Variants in DLG2 observed in about 807,000 individuals in gnomAD.
DLG2 encodes discs large MAGUK scaffold protein 2.
A neutral mutation model predicts 132.5 loss-of-function variants in DLG2; 45 were observed. The observed-to-expected ratio is 0.34, with a 90% CI of 0.27 to 0.44. DLG2 has a LOEUF of 0.44. Among genes scored for constraint, DLG2 ranks in the 20% least tolerant of loss-of-function variants. The pLI is 1.00. For missense variants in DLG2, 1,045 were observed against 1,196.9 expected, an observed-to-expected ratio of 0.87 and a Z score of 1.87; for synonymous variants, 424 against 419.6, an observed-to-expected ratio of 1.01 and a Z score of -0.13.
At chr11:84,412,212 C>T (rs2154458642) in intron 7 of DLG2, among the ~76,000 whole-genome samples, 1 of 151,656 alleles carries the variant, frequency 6.6e-6, no homozygotes, top group Non-Finnish European at 1.5e-5. Context: ...TGTTATAGTT[C>T]ATAAAAATGT....
intron 6 of DLG2, among the ~76,000 whole-genome samples, chr11:85,101,768 T>C (rs1467812753): frequency 1.3e-5 from 2 of 152,084 alleles, no homozygotes; most frequent in Non-Finnish European, 2.9e-5. Flanking sequence ...ACATTTCGTA[T>C]TCAATTACTG....
chr11:84,823,012 T>C (rs534454377), intron 6 of DLG2, among the ~76,000 whole-genome samples: 14 of 151,986 alleles, frequency 9.2e-5, no homozygotes, highest in South Asian at 2.1e-4. Context: ...CATATAAAAG[T>C]AGTTACTTTA....
chr11:84,205,700 G>A (rs574023102), intron 8 of DLG2, among the ~76,000 whole-genome samples: 2 of 152,146 alleles, frequency 1.3e-5, no homozygotes, highest in South Asian at 4.1e-4. Context: ...AGCTAAAGTG[G>A]TGCTAAGGAA....
chr11:84,380,369 A>G lies in DLG2; in HGVS notation c.520-129078T>C, dbSNP rs995548895. Among the ~76,000 whole-genome samples the G allele has an allele frequency of 5.5e-4, 84 of 152,168 alleles. 1 individual carries two copies. The highest frequency in any genetic ancestry group is 2.0e-3 in the African/African-American group (82 of 41,578). ...TTTACCCTATACTAGGCCATAGTTC[A>G]AGCCTCAACAAATGTCAAAGAGTCT... On this transcript the variant is annotated intron_variant, in intron 7 of 27. Transcript: ENST00000376104.
chr11:84,597,084 G>A (rs538247269), intron 6 of DLG2, among the ~76,000 whole-genome samples: 1 of 152,220 alleles, frequency 6.6e-6, no homozygotes, highest in Non-Finnish European at 1.5e-5. Context: ...GTCAGGTGTG[G>A]TTTCTCATGC....
At chr11:85,216,852 C>T (rs146330610) in intron 4 of DLG2, among the ~76,000 whole-genome samples, 28 of 152,020 alleles carry the variant, frequency 1.8e-4, no homozygotes, top group African/African-American at 9.7e-5. Flanking sequence ...CCTGCCACCA[C>T]GCCCAGCTAA....
intron 7 of DLG2, among the ~76,000 whole-genome samples, chr11:84,491,288 C>G (rs2099164422): frequency 6.6e-6 from 1 of 152,012 alleles, no homozygotes; most frequent in Non-Finnish European, 1.5e-5. Context: ...GTGAGTAAGT[C>G]TCATAAGATC....
At chr11:85,345,054 A>C (rs943482117) in intron 3 of DLG2, among the ~76,000 whole-genome samples, 1 of 152,136 alleles carries the variant, frequency 6.6e-6, no homozygotes, top group Non-Finnish European at 1.5e-5. Context: ...AAGTCAAGTA[A>C]ATAAAATATC....
intron 6 of DLG2, among the ~76,000 whole-genome samples, chr11:84,857,628 T>C (rs1419470346): frequency 6.6e-6 from 1 of 152,126 alleles, no homozygotes; most frequent in East Asian, 1.9e-4. Flanking sequence ...GCATTTAACA[T>C]ATTCTTCATA....
chr11:83,678,925 A>T (rs2078242866), intron 18 of DLG2, among the ~76,000 whole-genome samples: 1 of 152,176 alleles, frequency 6.6e-6, no homozygotes, highest in African/African-American at 2.4e-5. Flanking sequence ...ATAGACCAAA[A>T]GTGAGAGCAA....
At chr11:85,056,003 C>CT (rs969277411) in intron 6 of DLG2, among the ~76,000 whole-genome samples, 2 of 151,994 alleles carry the variant, frequency 1.3e-5, no homozygotes, top group African/African-American at 4.8e-5. Flanking sequence ...TTCTTTTCCT[C>CT]TTTTTTTAAG....
intron 16 of DLG2, among the ~76,000 whole-genome samples, chr11:83,844,010 A>G (rs1261369392): frequency 6.6e-6 from 1 of 152,182 alleles, no homozygotes. Context: ...AGAAGAAAGC[A>G]AGTACTGAGA....
intron 3 of DLG2, among the ~76,000 whole-genome samples, chr11:85,371,268 AC>A (rs908321016): frequency 2.6e-5 from 4 of 152,260 alleles, no homozygotes; most frequent in South Asian, 2.1e-4. Context: ...AGCTGAAGCA[AC>A]CTTTTTGACT....
chr11:84,388,262 A>C (rs2098779081), intron 7 of DLG2, among the ~76,000 whole-genome samples: 1 of 152,132 alleles, frequency 6.6e-6, no homozygotes, highest in Non-Finnish European at 1.5e-5. Context: ...GAGGCTACAG[A>C]TCCTATTGCG....
intron 7 of DLG2, among the ~76,000 whole-genome samples, chr11:84,269,124 T>G (rs2097686738): frequency 6.6e-6 from 1 of 152,214 alleles, no homozygotes; most frequent in African/African-American, 2.4e-5. Flanking sequence ...TGAGAAACAC[T>G]GTAAACAACT....
At chr11:85,177,804 A>C (rs995107374) in intron 4 of DLG2, among the ~76,000 whole-genome samples, 2 of 152,126 alleles carry the variant, frequency 1.3e-5, no homozygotes, top group African/African-American at 4.8e-5. Context: ...GTAATTTAAC[A>C]AATATATATT....
intron 6 of DLG2, among the ~76,000 whole-genome samples, chr11:84,760,662 T>C (rs2067492041): frequency 6.6e-6 from 1 of 152,208 alleles, no homozygotes; most frequent in Non-Finnish European, 1.5e-5. Flanking sequence ...ACCTCTTCTG[T>C]GACATTATGA....
At chr11:83,939,733 G>A (rs1028445652) in intron 14 of DLG2, among the ~76,000 whole-genome samples, 1 of 152,020 alleles carries the variant, frequency 6.6e-6, no homozygotes, top group Non-Finnish European at 1.5e-5. Flanking sequence ...AATATATTTA[G>A]CAAAATCACA....
At chr11:85,278,027 G>C (rs1200606044) in intron 4 of DLG2, among the ~76,000 whole-genome samples, 1 of 150,522 alleles carries the variant, frequency 6.6e-6, no homozygotes, top group Admixed American at 6.6e-5. Flanking sequence ...TGCAATTAAG[G>C]CTCTCAAGCA....
Sources: allele counts gnomAD v4.1 joint callset (sites outside exome capture counted in the v4.1 genomes callset), GRCh38; gene constraint gnomAD v4.1.1; transcripts MANE v1.5; gene names NCBI Gene and HGNC (gene_info 2026-07-23, HGNC 2026-07-21).